ERN2: variants seen among roughly 807,000 people sequenced by gnomAD.
ERN2 encodes the protein serine/threonine-protein kinase/endoribonuclease IRE2.
Under a neutral mutation model 107.9 loss-of-function variants are expected in ERN2, and 111 were observed. The ratio of observed to expected loss-of-function variants is 1.03; its 90% CI spans 0.88 to 1.20. ERN2 has a LOEUF of 1.20. ERN2 is among the 50% of genes most tolerant of loss of function. ERN2 has a pLI of 0.00. For synonymous variants in ERN2, 524 were observed against 501.7 expected (o/e 1.04, Z -0.59); for missense variants, 1,225 against 1,197.9 (o/e 1.02, Z -0.33).
rs1347683065 is a variant in ERN2 at position 23,705,052 on chromosome 16, C to G, written c.685G>C (p.Val229Leu). ...TGGTGCCAGGTGTAGACGCCCATCA[C>G]AGGCACGCCCAGGTCCTGTGTCCAC... ...VLWTQDLGVP[V>L]MGVYTWHQDG... Residue 229 changes from valine to leucine, a missense_variant, in exon 8 of 22, where the codon GTG becomes CTG. Transcript: ENST00000256797. 1.2e-6 allele frequency: 2 copies of G among 1,613,832 alleles called. No homozygotes were observed. The highest frequency in any genetic ancestry group is 2.7e-5 in the African/African-American group (2 of 74,922).
chr16:23,693,601 A>ATATATATAT (rs34569361), intron 17 of ERN2, among the ~76,000 whole-genome samples: 1 of 147,734 alleles, frequency 6.8e-6, no homozygotes, highest in African/African-American at 2.5e-5. Context: ...AAAAAAAAAA[A>ATATATATAT]ATATATATAT....
chr16:23,701,234 G>T, intron 11 of ERN2, 120 bp from the exon 12 acceptor site: 1 of 977,664 alleles, frequency 1.0e-6, no homozygotes, highest in Non-Finnish European at 1.5e-6. Context: ...TCTGTGTATG[G>T]TGGGAAACGT....
intron 13 of ERN2, chr16:23,696,899 A>G (rs1193406864): frequency 6.6e-6 from 1 of 152,134 alleles, no homozygotes; most frequent in Non-Finnish European, 1.5e-5. Context: ...GAAAATCAGC[A>G]TTAGGGCTGG....
chr16:23,691,563 G>T, intron 19 of ERN2, 138 bp from the exon 20 acceptor site: 1 of 1,051,218 alleles, frequency 9.5e-7, no homozygotes, highest in Non-Finnish European at 1.3e-6. Flanking sequence ...TCTGTGCCAC[G>T]CCTCTGTTAT....
rs1225876686 is a variant in ERN2, at chr16:23,690,540, G to A, written c.*291C>T. On this transcript the variant is annotated 3_prime_UTR_variant, in exon 22 of 22. Transcript: ENST00000256797. ...CATGATCCTGGCTCACTGCAGCCTC[G>A]AACTCCTGGGCTCAAGTGATTCTCC... is the stretch of plus-strand genomic sequence containing the variant. The A allele has an allele frequency of 2.5e-5, 12 of 482,262 alleles. No homozygotes were observed. The highest frequency in any genetic ancestry group is 1.7e-4 in the Admixed American group (5 of 30,186). The allele number at this position is 482,262 out of a possible 1,614,324, so 29.9% of individuals were successfully genotyped here.
intron 4 of ERN2, chr16:23,709,374 A>G (rs182992453): frequency 6.3e-5 from 18 of 286,656 alleles, no homozygotes; most frequent in African/African-American, 3.6e-4. Flanking sequence ...GATGTGGAAG[A>G]TTGCAAAAAA....
chr16:23,695,154 G>T, intron 15 of ERN2, 36 bp from the exon 16 acceptor site: 2 of 1,613,420 alleles, frequency 1.2e-6, no homozygotes, highest in Non-Finnish European at 1.7e-6. Context: ...TCACTCTCCA[G>T]CCCGGACCTT....
intron 1 of ERN2, 33 bp downstream of exon 1, chr16:23,713,062 T>A (rs774994194): frequency 6.1e-6 from 9 of 1,478,352 alleles, no homozygotes; most frequent in Non-Finnish European, 8.1e-6. Flanking sequence ...GCGACCAGAC[T>A]TTGGGGACTT....
In ERN2 at chr16:23,702,265, C is replaced by T. The variant is rs377609896; in HGVS notation, c.1090G>A (p.Glu364Lys). 37 of 1,613,916 alleles carry T rather than the reference C, an allele frequency of 2.3e-5. No individual in the cohort carries two copies. The highest frequency in any genetic ancestry group is 6.7e-5 in the East Asian group (3 of 44,894). ...PSQWLLIGHH[E>K]LPPVLHTTML... ...GTGGTGTGCAGGACTGGGGGTAGCT[C>T]GTGGTGTCCTAAGGTGGGGGGCAAA... is the stretch of plus-strand genomic sequence containing the variant. Residue 364 changes from glutamate to lysine, a missense_variant, in exon 11 of 22, where the codon GAG becomes AAG. By Grantham distance (56) the Glu-to-Lys change is moderately conservative (BLOSUM62 1). Coordinates refer to ENST00000256797, the MANE Select transcript of ERN2 (RefSeq NM_033266.4).
chr16:23,702,789 T>C, intron 8 of ERN2, 87 bp from the exon 9 acceptor site: 4 of 1,124,530 alleles, frequency 3.6e-6, no homozygotes, highest in Non-Finnish European at 5.4e-6. Flanking sequence ...CTTGTATATT[T>C]CCCTCTCACA....
At position 23,702,179 on chromosome 16, in the gene ERN2, A is replaced by G. The variant is rs563380769; in HGVS notation, c.1176T>C (p.Asn392=). The change falls in exon 11 of 22, where the codon AAT becomes AAC. Residue 392 remains asparagine, a synonymous_variant. Coordinates refer to ENST00000256797, the MANE Select transcript of ERN2 (RefSeq NM_033266.4). ...CCAAGAAGAAGGCTGGGGCCTGGGT[A>G]TTCTCTGGAGGTCTTGTCTCTGCAG... ...SGTAETRPPE[N]TQAPAFFLEL... The G allele has an allele frequency of 3.5e-5, 57 of 1,613,840 alleles. No homozygotes were observed. The Middle Eastern group carries it at 5.0e-4, about 14-fold the overall frequency.
intron 13 of ERN2, among the ~76,000 whole-genome samples, chr16:23,699,584 C>T (rs554096795): frequency 1.1e-4 from 16 of 152,182 alleles, no homozygotes; most frequent in Middle Eastern, 3.4e-3. Context: ...CCACCACGCC[C>T]GGCGAATTGT....
At chr16:23,709,510 A>T (rs763777135) in intron 4 of ERN2, 3 of 236,720 alleles carry the variant, frequency 1.3e-5, no homozygotes, top group Non-Finnish European at 2.5e-5. Flanking sequence ...CAGCTTGGCC[A>T]TGTGACCTGC....
At chr16:23,702,055 A>T in intron 11 of ERN2, 97 bp downstream of exon 11, 1 of 1,283,442 alleles carries the variant, frequency 7.8e-7, no homozygotes, top group Non-Finnish European at 1.1e-6. Context: ...CCCACCCCCG[A>T]GTGTTATTCT....
intron 15 of ERN2, 35 bp downstream of exon 15, chr16:23,695,165 C>T: frequency 6.2e-7 from 1 of 1,613,594 alleles, no homozygotes. Flanking sequence ...CCCGGACCTT[C>T]CCACTCACCC....
At chr16:23,706,974 A>G (rs1294382377) in intron 5 of ERN2, 33 bp downstream of exon 5, 1 of 1,606,318 alleles carries the variant, frequency 6.2e-7, no homozygotes, top group Non-Finnish European at 8.5e-7. Flanking sequence ...CTGCTGGCTG[A>G]ACCTGGACCC....
intron 4 of ERN2, among the ~76,000 whole-genome samples, chr16:23,707,750 C>T (rs1458054398): frequency 6.6e-5 from 10 of 152,122 alleles, no homozygotes; most frequent in African/African-American, 2.4e-4. Context: ...CAAAAAAAAG[C>T]CGCACACACA....
At chr16:23,695,466 C>T (rs1219544187) in intron 14 of ERN2, 77 bp from the exon 15 acceptor site, 1 of 1,415,838 alleles carries the variant, frequency 7.1e-7, no homozygotes, top group Admixed American at 2.0e-5. Context: ...TGGCTCACAC[C>T]TGTAATCCTA....
intron 13 of ERN2, among the ~76,000 whole-genome samples, chr16:23,699,342 A>G (rs16972827): frequency 0.08 from 12,238 of 152,146 alleles, 752 homozygotes; most frequent in African/African-American, 0.16. Flanking sequence ...TTGAGCAGTG[A>G]CTAGAAGGTG....
Sources: allele counts gnomAD v4.1 joint callset (sites outside exome capture counted in the v4.1 genomes callset), GRCh38; gene constraint gnomAD v4.1.1; transcripts MANE v1.5; gene names NCBI Gene and HGNC (gene_info 2026-07-23, HGNC 2026-07-21).